PDGFRB: variants seen among roughly 807,000 people sequenced by gnomAD.
The protein encoded by PDGFRB is platelet derived growth factor receptor beta, also known as platelet-derived growth factor receptor beta.
Under a neutral mutation model 120.2 loss-of-function variants are expected in PDGFRB, and 42 were observed. The ratio of observed to expected loss-of-function variants is 0.35; its 90% confidence interval spans 0.27 to 0.45. The LOEUF is 0.45. Ranked by LOEUF, PDGFRB falls within the 20% of genes least tolerant of loss-of-function variation. PDGFRB has a pLI of 1.00. For synonymous variants in PDGFRB, 586 were observed against 606.8 expected (o/e 0.97, Z 0.50); for missense variants, 1,149 against 1,476.3 (o/e 0.78, Z 3.63).
chr5:150,133,338 G>C (rs1760528308), intron 6 of PDGFRB, among the ~76,000 whole-genome samples: 1 of 152,160 alleles, frequency 6.6e-6, no homozygotes, highest in Non-Finnish European at 1.5e-5. Context: ...GGTTGGATTT[G>C]GGGCTGACAC....
At chr5:150,142,297 G>A (rs1760805273) in intron 1 of PDGFRB, among the ~76,000 whole-genome samples, 1 of 152,184 alleles carries the variant, frequency 6.6e-6, no homozygotes, top group African/African-American at 2.4e-5. Context: ...TGTGAGGCTG[G>A]TGGCTCAAGG....
At position 150,146,234 on chromosome 5, in the gene PDGFRB, G is replaced by A. The variant is rs142219040; in HGVS notation, c.-7+9163C>T. Reference sequence around the variant, plus strand: ...ACTGTATTCTCTGCTTATTGGTCTTGCTTCTATCCACCAACCACCCTCTCC... The same window carrying A: ...ACTGTATTCTCTGCTTATTGGTCTTACTTCTATCCACCAACCACCCTCTCC... On this transcript the variant is annotated intron_variant, in intron 1 of 22. Transcript: ENST00000261799. Among the ~76,000 whole-genome samples the A allele has an allele frequency of 7.9e-5, 12 of 152,240 alleles. No individual in the cohort carries two copies. The East Asian group carries it at 1.9e-3, about 24-fold the overall frequency.
At chr5:150,147,080 G>A (rs1330761374) in intron 1 of PDGFRB, among the ~76,000 whole-genome samples, 3 of 152,180 alleles carry the variant, frequency 2.0e-5, no homozygotes, top group African/African-American at 7.2e-5. Flanking sequence ...GCTCCTGCGG[G>A]ATACAGCATC....
rs368636976 is a variant in PDGFRB at position 150,124,837 on chromosome 5, G to A, written c.1808-6C>T. On this transcript the variant is annotated splice_polypyrimidine_tract_variant and splice_region_variant and intron_variant, in intron 12 of 22. Coordinates refer to ENST00000261799, the MANE Select transcript of PDGFRB (RefSeq NM_002609.4). ...CCCAGAGCCGAGGGTGCGTCCTGGT[G>A]CAGAGATGATCCATTAGCTCCTGGC... The A allele has an allele frequency of 1.1e-5, 17 of 1,523,758 alleles. No homozygotes were observed. Among genetic ancestry groups the A allele is most frequent in the Non-Finnish European group, 1.2e-5 (13 of 1,108,616 alleles). 94.4% of individuals were successfully genotyped at this position (1,523,758 alleles called of 1,614,324 possible). A position where few individuals can be genotyped will look rare whatever the true frequency, so the allele number is the denominator to read the frequency against.
chr5:150,130,768 C>T, intron 8 of PDGFRB, 106 bp from the exon 9 acceptor site: 1 of 906,474 alleles, frequency 1.1e-6, no homozygotes, highest in Non-Finnish European at 1.7e-6. Flanking sequence ...GGGAGGAGGG[C>T]TGTAGACTGC....
chr5:150,144,094 A>G (rs1760852769), intron 1 of PDGFRB, among the ~76,000 whole-genome samples: 1 of 151,944 alleles, frequency 6.6e-6, no homozygotes, highest in Non-Finnish European at 1.5e-5. Flanking sequence ...ATGGAAGAAT[A>G]GCGCTGGTTC....
intron 1 of PDGFRB, among the ~76,000 whole-genome samples, chr5:150,154,795 C>T (rs1458807888): frequency 2.0e-5 from 3 of 152,202 alleles, no homozygotes; most frequent in Non-Finnish European, 1.5e-5. Flanking sequence ...GCAGCATGAC[C>T]GCTAGGGGGT....
intron 13 of PDGFRB, 89 bp downstream of exon 13, chr5:150,124,638 C>T: frequency 1.5e-6 from 1 of 671,754 alleles, no homozygotes; most frequent in Non-Finnish European, 2.6e-6. Context: ...TGCAAATCAG[C>T]ATCAGGCCAC....
intron 10 of PDGFRB, 30 bp from the exon 11 acceptor site, chr5:150,126,644 G>GCCTGCT: frequency 8.5e-7 from 1 of 1,170,090 alleles, no homozygotes; most frequent in Non-Finnish European, 1.3e-6. Context: ...CAGGCCATGA[G>GCCTGCT]CAAACTGGGC....
chr5:150,147,075 T>C (rs1760943944), intron 1 of PDGFRB, among the ~76,000 whole-genome samples: 2 of 152,160 alleles, frequency 1.3e-5, no homozygotes, highest in Admixed American at 1.3e-4. Context: ...GCAGTGCTCC[T>C]GCGGGATACA....
chr5:150,116,116 G>A (rs1015444724), intron 22 of PDGFRB, among the ~76,000 whole-genome samples, 170 bp from the exon 23 acceptor site: 1 of 152,182 alleles, frequency 6.6e-6, no homozygotes, highest in Non-Finnish European at 1.5e-5. Flanking sequence ...GGAAAGTGTG[G>A]CTCAGAGAGG....
In PDGFRB at chr5:150,117,527, A is replaced by AGCGC. The variant is rs148754488; in HGVS notation, c.3137+87_3137+90dup. ...AACTTACCTCTGAGGCAAACCTGGC[A>AGCGC]GCGCGCGCGCGCGCGCGCACACACA... On this transcript the variant is annotated intron_variant, in intron 22 of 22. Transcript: ENST00000261799. 1,148 of 557,220 alleles carry AGCGC rather than the reference A, an allele frequency of 2.1e-3. 2 individuals are homozygous for AGCGC. Among genetic ancestry groups the AGCGC allele is most frequent in the East Asian group, 9.4e-3 (309 of 32,866 alleles). 34.5% of individuals were successfully genotyped at this position (557,220 alleles called of 1,614,324 possible).
intron 12 of PDGFRB, 84 bp downstream of exon 12, chr5:150,125,361 T>C: frequency 7.9e-7 from 1 of 1,260,412 alleles, no homozygotes; most frequent in Non-Finnish European, 1.1e-6. Context: ...TAGCTAGTCA[T>C]GGCAAGGCTG....
At chr5:150,135,518 G>A (rs747387601) in intron 3 of PDGFRB, 37 bp downstream of exon 3, 1 of 1,311,270 alleles carries the variant, frequency 7.6e-7, no homozygotes, top group Non-Finnish European at 1.1e-6. Context: ...GTTGACAAGA[G>A]GGGTAAGGAG....
chr5:150,117,536 GCGCGCGCGCACACACACACACACACACA>G (rs1759984370), intron 22 of PDGFRB, 54 bp downstream of exon 22: 4 of 677,436 alleles, frequency 5.9e-6, no homozygotes, highest in Non-Finnish European at 7.4e-6. Context: ...CAGCGCGCGC[GCGCGCGCGCACACACACACACACACACA>G]CACACACACA....
At chr5:150,144,661 A>G (rs1760872712) in intron 1 of PDGFRB, among the ~76,000 whole-genome samples, 1 of 152,208 alleles carries the variant, frequency 6.6e-6, no homozygotes, top group Non-Finnish European at 1.5e-5. Flanking sequence ...TACTTGGAAC[A>G]GTGCGTGGGA....
intron 5 of PDGFRB, 23 bp from the exon 6 acceptor site, chr5:150,133,783 C>A (rs200605564): frequency 2.5e-5 from 41 of 1,612,410 alleles, no homozygotes; most frequent in Non-Finnish European, 6.8e-6. Flanking sequence ...GTTGGGCAGG[C>A]CCCCCAAATC....
chr5:150,121,925 C>G lies in PDGFRB; in HGVS notation c.2299G>C (p.Glu767Gln). ...TAAGGGGCCATGTAGTTGGAGGACTCGATGTCTGCATATTTGACGTCTCCT... is the reference window on the plus strand; with the variant it reads ...TAAGGGGCCATGTAGTTGGAGGACTGGATGTCTGCATATTTGACGTCTCCT... ...MKGDVKYADI[E>Q]SSNYMAPYDN... is the part of the protein sequence containing the mutation. Residue 767 changes from glutamate (E) to glutamine (Q), a missense_variant, in exon 16 of 23, where the codon GAG becomes CAG. By Grantham distance (29) the Glu-to-Gln change is conservative. Around this residue, in one of 3 missense-constraint regions of PDGFRB, gnomAD observed 879 missense variants for 1,108.6 expected, o/e 0.79. Coordinates refer to ENST00000261799, the MANE Select transcript of PDGFRB (RefSeq NM_002609.4). This position sits in a 1 kb window ranked among gnomAD's most constrained non-coding sequence, Gnocchi z 4.1. The G allele has an allele frequency of 4.3e-6, 7 of 1,613,610 alleles. No homozygotes were observed. Among genetic ancestry groups the G allele is most frequent in the Non-Finnish European group, 5.1e-6 (6 of 1,179,548 alleles).
intron 1 of PDGFRB, among the ~76,000 whole-genome samples, chr5:150,146,054 CTA>C (rs1760913531): frequency 1.3e-5 from 2 of 152,166 alleles, no homozygotes; most frequent in African/African-American, 4.8e-5. Context: ...TACATTCCCT[CTA>C]TTCACATCTC....
Sources: gnomAD v4.1 joint callset for allele counts (sites outside exome capture counted in the v4.1 genomes callset) on GRCh38, gnomAD v4.1.1 for gene constraint, gnomAD v4.1.1 regional missense constraint, Gnocchi (gnomAD v3.1) non-coding constraint, MANE v1.5 for transcripts, NCBI Gene and HGNC (gene_info 2026-07-23, HGNC 2026-07-21) for gene names.